Variants in SMYD3 observed in about 807,000 individuals in gnomAD.
SMYD3 encodes the protein histone-lysine N-methyltransferase SMYD3.
SMYD3 carries 36 observed loss-of-function variants against 57.7 expected under a neutral mutation model. The observed-to-expected ratio is 0.62, with a 90% CI of 0.48 to 0.82. The LOEUF (loss-of-function observed/expected upper bound fraction) is 0.82. Among genes scored for constraint, SMYD3 ranks in the 40% least tolerant of loss-of-function variants. SMYD3 has a pLI of 0.00. For synonymous variants in SMYD3, 211 were observed against 195.0 expected, an observed-to-expected ratio of 1.08 and a Z score of -0.68; for missense variants, 515 against 538.8, an observed-to-expected ratio of 0.96 and a Z score of 0.44.
intron 5 of SMYD3, among the ~76,000 whole-genome samples, chr1:246,306,367 G>A (rs1420431288): frequency 6.6e-6 from 1 of 151,804 alleles, no homozygotes; most frequent in Admixed American, 6.6e-5. Flanking sequence ...TCAGCGGGGT[G>A]TATCTTCAAA....
intron 1 of SMYD3, among the ~76,000 whole-genome samples, chr1:246,444,127 A>AT (rs371124808): frequency 0.84 from 119,494 of 142,750 alleles, 50,145 homozygotes; most frequent in East Asian, 0.93. Flanking sequence ...GAACCTAAGA[A>AT]TTTTTTTTTT....
At position 246,032,671 on chromosome 1, in the gene SMYD3, T is replaced by C. The variant is rs1323711056; in HGVS notation, c.532-102734A>G. ...TGTACTCATATTTGCTTTCTGCTCT[T>C]TTGAGGAAAAAAATCAGATACAATA... is the stretch of plus-strand genomic sequence containing the variant. On this transcript the variant is annotated intron_variant, in intron 5 of 11. Coordinates refer to ENST00000490107, the MANE Select transcript of SMYD3 (RefSeq NM_001167740.2). Among the ~76,000 whole-genome samples the C allele has an allele frequency of 2.6e-5, 4 of 152,254 alleles. No individual in the cohort carries two copies. The East Asian group carries it at 7.7e-4, about 29-fold the overall frequency.
chr1:246,032,524 C>A (rs566905328), intron 5 of SMYD3, among the ~76,000 whole-genome samples: 5 of 152,320 alleles, frequency 3.3e-5, no homozygotes, highest in African/African-American at 9.6e-5. Context: ...AGTCCTGGCT[C>A]TGCCCTTGAT....
chr1:245,835,147 G>A (rs1328193342), intron 10 of SMYD3, among the ~76,000 whole-genome samples: 3 of 146,306 alleles, frequency 2.1e-5, no homozygotes, highest in Non-Finnish European at 3.0e-5. Context: ...TTGAGAGGGA[G>A]TCTTGCTCTG....
chr1:246,499,483 G>A (rs976259464), intron 1 of SMYD3, among the ~76,000 whole-genome samples: 12 of 151,758 alleles, frequency 7.9e-5, no homozygotes, highest in Admixed American at 7.2e-4. Context: ...TGGAGGCAGG[G>A]TCTCACTGTG....
At chr1:246,472,034 G>T (rs755275886) in intron 1 of SMYD3, among the ~76,000 whole-genome samples, 8 of 151,600 alleles carry the variant, frequency 5.3e-5, no homozygotes, top group Non-Finnish European at 8.8e-5. Flanking sequence ...CAAAATATTT[G>T]ATTTTAATTT....
chr1:246,265,374 A>G (rs1347506181), intron 5 of SMYD3, among the ~76,000 whole-genome samples: 7 of 152,008 alleles, frequency 4.6e-5, no homozygotes, highest in Non-Finnish European at 8.8e-5. Context: ...CCTGACCTCA[A>G]GCAAACCTCC....
chr1:246,285,649 T>C lies in SMYD3; in HGVS notation c.531+41552A>G, dbSNP rs1404962328. ...AAAACAAAGATAAATAGATGGGACT[T>C]AATTAAATTAAAGAGTTTTGGCATG... On this transcript the variant is annotated intron_variant, in intron 5 of 11. Transcript: ENST00000490107. Among the ~76,000 whole-genome samples, 3 of 152,120 alleles carry C rather than the reference T, an allele frequency of 2.0e-5. No homozygotes were observed. The East Asian group carries it at 5.8e-4, about 29-fold the overall frequency.
chr1:245,762,089 T>G (rs2045871404), intron 11 of SMYD3, among the ~76,000 whole-genome samples: 1 of 152,120 alleles, frequency 6.6e-6, no homozygotes, highest in Non-Finnish European at 1.5e-5. Flanking sequence ...CCAGCCTGAG[T>G]CTTATTCAAA....
chr1:245,965,860 G>A (rs2058131427), intron 5 of SMYD3, among the ~76,000 whole-genome samples: 1 of 152,162 alleles, frequency 6.6e-6, no homozygotes, highest in South Asian at 2.1e-4. Flanking sequence ...CACCAAGGGT[G>A]AGCCCTAATG....
At chr1:245,976,861 T>TAGGGAAAGCCATCGTCTCCGGCCC (rs1558550729) in intron 5 of SMYD3, among the ~76,000 whole-genome samples, 1 of 10,246 alleles carries the variant, frequency 9.8e-5, no homozygotes. Flanking sequence ...GTCTCTAGCC[T>TAGGGAAAGCCATCGTCTCCGGCCC]AGGGAAAGCC....
In SMYD3 at chr1:246,387,713, T is replaced by G. The variant is rs564473150; in HGVS notation, c.165-32619A>C. On this transcript the variant is annotated intron_variant, in intron 1 of 11. Coordinates refer to ENST00000490107, the MANE Select transcript of SMYD3 (RefSeq NM_001167740.2). The stretch of plus-strand genomic sequence containing the variant: ...GTAAGAGTTCTGAAGGACTTCTAGT[T>G]ACAGCTATGTGGAGAAGTCAGTAAT... Among the ~76,000 whole-genome samples the G allele has an allele frequency of 2.6e-5, 4 of 152,332 alleles. No homozygotes were observed. The East Asian group carries it at 7.7e-4, about 29-fold the overall frequency.
chr1:246,068,694 T>C (rs182150371), intron 5 of SMYD3, among the ~76,000 whole-genome samples: 1 of 152,346 alleles, frequency 6.6e-6, no homozygotes, highest in Admixed American at 6.5e-5. Context: ...AAGCATTTGT[T>C]ATTGTTACAC....
chr1:246,094,007 G>A (rs1331479352), intron 5 of SMYD3, among the ~76,000 whole-genome samples: 1 of 152,018 alleles, frequency 6.6e-6, no homozygotes, highest in Non-Finnish European at 1.5e-5. Flanking sequence ...TGCGGACAGG[G>A]GCAGAGCTGT....
chr1:246,411,980 A>T lies in SMYD3; in HGVS notation c.165-56886T>A, dbSNP rs1206661325. Among the ~76,000 whole-genome samples the T allele has an allele frequency of 1.5e-4, 23 of 152,060 alleles. No individual in the cohort carries two copies. In the South Asian group the frequency reaches 2.5e-3, roughly 16 times the overall value. The stretch of plus-strand genomic sequence containing the variant: ...CCCTAAAACTTAAAGTATAATAAAA[A>T]AAAAAAAAAAAAACTTAAGGTACAG... On this transcript the variant is annotated intron_variant, in intron 1 of 11. Coordinates refer to ENST00000490107, the MANE Select transcript of SMYD3 (RefSeq NM_001167740.2).
intron 5 of SMYD3, among the ~76,000 whole-genome samples, chr1:246,055,036 C>T (rs1403547077): frequency 6.6e-6 from 1 of 151,808 alleles, no homozygotes; most frequent in Non-Finnish European, 1.5e-5. Flanking sequence ...ATTAGCCGGG[C>T]GTGGTGGTGG....
chr1:246,057,966 T>G (rs2060181444), intron 5 of SMYD3, among the ~76,000 whole-genome samples: 1 of 152,158 alleles, frequency 6.6e-6, no homozygotes, highest in Non-Finnish European at 1.5e-5. Flanking sequence ...CGGAGCAATC[T>G]TAAATGCATA....
intron 10 of SMYD3, among the ~76,000 whole-genome samples, chr1:245,798,911 C>T (rs1013196392): frequency 1.3e-5 from 2 of 152,136 alleles, no homozygotes; most frequent in Non-Finnish European, 2.9e-5. Context: ...TTAGTGTTCC[C>T]GGCAGGCCCT....
chr1:246,011,534 C>G (rs2059281795), intron 5 of SMYD3, among the ~76,000 whole-genome samples: 1 of 152,134 alleles, frequency 6.6e-6, no homozygotes. Flanking sequence ...ATTTAAAAAT[C>G]ACCTAGACCA....
Sources: gnomAD v4.1 joint callset for allele counts (sites outside exome capture counted in the v4.1 genomes callset) on GRCh38, gnomAD v4.1.1 for gene constraint, MANE v1.5 for transcripts, NCBI Gene and HGNC (gene_info 2026-07-23, HGNC 2026-07-21) for gene names.